Variants in RPGRIP1L observed in about 807,000 individuals in gnomAD.
The protein encoded by RPGRIP1L is RPGRIP1 like, also known as protein fantom.
A neutral mutation model predicts 160.4 loss-of-function variants in RPGRIP1L; 131 were observed. That is an observed-to-expected ratio of 0.82 (90% CI 0.71 to 0.94). RPGRIP1L has a LOEUF of 0.94. RPGRIP1L is among the 40% of genes least tolerant of loss of function. The probability of loss-of-function intolerance (pLI) is 0.00; values close to 1 mark genes in which losing one functional copy is unlikely to be tolerated. For missense variants in RPGRIP1L, 1,522 were observed against 1,535.8 expected, an observed-to-expected ratio of 0.99 and a Z score of 0.15; for synonymous variants, 510 against 515.8, an observed-to-expected ratio of 0.99 and a Z score of 0.15.
chr16:53,606,416 T>C (rs1963686259), intron 25 of RPGRIP1L, among the ~76,000 whole-genome samples: 1 of 152,144 alleles, frequency 6.6e-6, no homozygotes, highest in South Asian at 2.1e-4. Context: ...AATGTATCCA[T>C]CCCAAATCAG....
intron 3 of RPGRIP1L, 124 bp downstream of exon 3, chr16:53,696,027 T>G (rs909325258): frequency 1.1e-6 from 1 of 939,454 alleles, no homozygotes; most frequent in Non-Finnish European, 1.6e-6. Context: ...AAAATTGTAC[T>G]TATTTACATC....
intron 15 of RPGRIP1L, among the ~76,000 whole-genome samples, chr16:53,649,346 ATGTT>A (rs1214585873): frequency 2.0e-5 from 3 of 152,228 alleles, no homozygotes; most frequent in Non-Finnish European, 4.4e-5. Context: ...ACATCAAACT[ATGTT>A]TGAGATATTC....
chr16:53,654,455 A>C (rs1011290623), intron 14 of RPGRIP1L, among the ~76,000 whole-genome samples: 3 of 152,138 alleles, frequency 2.0e-5, no homozygotes. Context: ...TTAGTAGTGA[A>C]TTCTGTCATC....
rs767271797 is a variant in RPGRIP1L, at chr16:53,645,668, G to A, written c.2640C>T (p.Val880=). The A allele has an allele frequency of 7.4e-6, 12 of 1,613,748 alleles. No individual in the cohort carries two copies. Among genetic ancestry groups the A allele is most frequent in the Non-Finnish European group, 9.3e-6 (11 of 1,179,946 alleles). ...DTQENIYIGK[V]NVPLISLAHD... is the part of the protein sequence containing the mutation. ...GTGCCAACGAAATCAGAGGCACATT[G>A]ACTTTTCCTATGTAAATATTCTCCT... The change falls in exon 17 of 27, where the codon GTC becomes GTT. Residue 880 remains valine (V), a synonymous_variant. Coordinates refer to ENST00000647211, the MANE Select transcript of RPGRIP1L (RefSeq NM_015272.5).
At chr16:53,647,137 A>G (rs1000233828) in intron 16 of RPGRIP1L, among the ~76,000 whole-genome samples, 1 of 152,208 alleles carries the variant, frequency 6.6e-6, no homozygotes, top group Non-Finnish European at 1.5e-5. Context: ...TCCCCATAAC[A>G]GCATTTCCCA....
intron 26 of RPGRIP1L, among the ~76,000 whole-genome samples, chr16:53,604,617 C>T (rs563113266): frequency 2.0e-5 from 3 of 152,332 alleles, no homozygotes; most frequent in East Asian, 1.9e-4. Context: ...CAGGACAGCA[C>T]ATTTGTCAGG....
Position 53,692,724 on chromosome 16 carries a change from T to C in RPGRIP1L, c.231-360A>G, listed in dbSNP as rs113912133. 1.6e-4 allele frequency among the ~76,000 whole-genome samples: 24 copies of C among 152,378 alleles called. 1 individual carries two copies. The highest frequency in any genetic ancestry group is 5.2e-4 in the Admixed American group (8 of 15,304). On this transcript the variant is annotated intron_variant, in intron 3 of 26. Coordinates refer to ENST00000647211, the MANE Select transcript of RPGRIP1L (RefSeq NM_015272.5). ...TACAGATTGTGGATGTGGTGGGTTA[T>C]ATCTGCAATCCACAGTAAGTTAAAA... is the stretch of plus-strand genomic sequence containing the variant.
At chr16:53,672,517 C>A (rs1374908854) in intron 8 of RPGRIP1L, among the ~76,000 whole-genome samples, 1 of 152,150 alleles carries the variant, frequency 6.6e-6, no homozygotes, top group Admixed American at 6.5e-5. Flanking sequence ...TCCTCAGAAA[C>A]AGATACAGTC....
At chr16:53,650,212 T>C (rs992908743) in intron 15 of RPGRIP1L, among the ~76,000 whole-genome samples, 10 of 152,044 alleles carry the variant, frequency 6.6e-5, no homozygotes, top group African/African-American at 2.4e-4. Flanking sequence ...ATTGGTGCCA[T>C]TATAACAGGC....
intron 2 of RPGRIP1L, among the ~76,000 whole-genome samples, chr16:53,698,704 C>A (rs1237058193): frequency 2.1e-5 from 3 of 145,276 alleles, no homozygotes; most frequent in Admixed American, 2.0e-4. Context: ...GCCGCACCGC[C>A]CGGGAGGGAG....
intron 14 of RPGRIP1L, chr16:53,655,665 G>C (rs968543677): frequency 6.6e-6 from 1 of 152,096 alleles, no homozygotes; most frequent in African/African-American, 2.4e-5. Flanking sequence ...ATGTAGTCTT[G>C]CACCTCCATC....
intron 3 of RPGRIP1L, chr16:53,693,272 A>T (rs1970510228): frequency 6.6e-6 from 1 of 152,222 alleles, no homozygotes; most frequent in Admixed American, 6.5e-5. Flanking sequence ...CTATTTTTAT[A>T]AAGACCCAGA....
At chr16:53,669,984 G>C (rs1339815806) in intron 9 of RPGRIP1L, among the ~76,000 whole-genome samples, 2 of 152,116 alleles carry the variant, frequency 1.3e-5, no homozygotes, top group African/African-American at 4.8e-5. Context: ...TTATAAAAGA[G>C]GGATGATATC....
chr16:53,647,976 G>A (rs1393870550), intron 16 of RPGRIP1L, among the ~76,000 whole-genome samples: 1 of 151,778 alleles, frequency 6.6e-6, no homozygotes, highest in Non-Finnish European at 1.5e-5. Flanking sequence ...GTAGTGGCAG[G>A]TGCCTGTAGC....
chr16:53,676,267 TAC>T (rs1446949554), intron 6 of RPGRIP1L, among the ~76,000 whole-genome samples: 3 of 152,098 alleles, frequency 2.0e-5, no homozygotes, highest in African/African-American at 7.2e-5. Flanking sequence ...TTGCCCAGGG[TAC>T]AGTCTTAACA....
chr16:53,662,437 ATTC>A (rs1967882346), intron 10 of RPGRIP1L, among the ~76,000 whole-genome samples: 1 of 152,168 alleles, frequency 6.6e-6, no homozygotes, highest in South Asian at 2.1e-4. Flanking sequence ...AGAGGTGAGT[ATTC>A]TTTAAAAATA....
At chr16:53,673,358 A>G (rs1044843692) in intron 7 of RPGRIP1L, among the ~76,000 whole-genome samples, 1 of 152,162 alleles carries the variant, frequency 6.6e-6, no homozygotes, top group Non-Finnish European at 1.5e-5. Flanking sequence ...TTGGTTGGAC[A>G]TGCTGTCTAA....
At chr16:53,683,347 G>A (rs1312355436) in intron 6 of RPGRIP1L, among the ~76,000 whole-genome samples, 4 of 152,120 alleles carry the variant, frequency 2.6e-5, no homozygotes, top group Non-Finnish European at 5.9e-5. Context: ...CAAATGCTAT[G>A]TGTAGAACTT....
chr16:53,630,234 A>G (rs1965436935), intron 22 of RPGRIP1L, among the ~76,000 whole-genome samples: 1 of 152,072 alleles, frequency 6.6e-6, no homozygotes, highest in Non-Finnish European at 1.5e-5. Context: ...GTTTTTGTAG[A>G]GATGGGGGTC....
Sources: allele counts gnomAD v4.1 joint callset (sites outside exome capture counted in the v4.1 genomes callset), GRCh38; gene constraint gnomAD v4.1.1; transcripts MANE v1.5; gene names NCBI Gene and HGNC (gene_info 2026-07-23, HGNC 2026-07-21).